DDX31: variants seen among roughly 807,000 people sequenced by gnomAD.
DDX31 encodes the protein ATP-dependent DNA helicase DDX31.
In DDX31, 70 loss-of-function variants were observed where a neutral mutation model predicts 91.3. The observed-to-expected ratio is 0.77, with a 90% CI of 0.63 to 0.94. The LOEUF is 0.94. DDX31 is among the 40% of genes least tolerant of loss of function. DDX31 has a pLI of 0.00. For missense variants in DDX31, 902 were observed against 925.0 expected (o/e 0.98, Z 0.32); for synonymous variants, 362 against 350.6 (o/e 1.03, Z -0.36).
At chr9:132,632,205 G>T in intron 14 of DDX31, 114 bp from the exon 15 acceptor site, 5 of 481,856 alleles carry the variant, frequency 1.0e-5, no homozygotes, top group Admixed American at 3.5e-5. Context: ...CACAGTACAT[G>T]CACATTCGGG....
chr9:132,616,066 T>A (rs556342810), intron 18 of DDX31, among the ~76,000 whole-genome samples: 56 of 152,218 alleles, frequency 3.7e-4, no homozygotes, highest in Non-Finnish European at 6.0e-4. Flanking sequence ...TGGCTGTTCC[T>A]ATGCAGTAAA....
chr9:132,597,462 A>G (rs971508448), intron 19 of DDX31, among the ~76,000 whole-genome samples: 1 of 152,228 alleles, frequency 6.6e-6, no homozygotes, highest in African/African-American at 2.4e-5. Flanking sequence ...CCAGGTTCAC[A>G]ATGTGTATAA....
chr9:132,604,211 G>A (rs1198814764), intron 19 of DDX31, among the ~76,000 whole-genome samples: 1 of 152,168 alleles, frequency 6.6e-6, no homozygotes, highest in African/African-American at 2.4e-5. Flanking sequence ...CTCTATAACA[G>A]ATGGATTCAT....
At chr9:132,619,841 G>A (rs1047404897) in intron 17 of DDX31, among the ~76,000 whole-genome samples, 4 of 145,354 alleles carry the variant, frequency 2.8e-5, no homozygotes, top group African/African-American at 5.1e-5. Context: ...CCCTCCTTTC[G>A]TTAAGCCACC....
intron 19 of DDX31, among the ~76,000 whole-genome samples, chr9:132,599,018 C>T (rs1012543959): frequency 3.3e-5 from 5 of 152,170 alleles, no homozygotes; most frequent in African/African-American, 1.2e-4. Flanking sequence ...GTGTGAAAAG[C>T]AGTGATGACC....
At chr9:132,602,824 C>T (rs1721930255) in intron 19 of DDX31, among the ~76,000 whole-genome samples, 1 of 152,242 alleles carries the variant, frequency 6.6e-6, no homozygotes, top group African/African-American at 2.4e-5. Flanking sequence ...TTCTTCCACA[C>T]ACACTACCAA....
In DDX31 at chr9:132,642,834, AT is replaced by A. The variant is rs764596713; in HGVS notation, c.1381-772del. Among the ~76,000 whole-genome samples, 496 of 142,192 alleles carry A rather than the reference AT, an allele frequency of 3.5e-3. 2 individuals are homozygous for A. The highest frequency in any genetic ancestry group is 7.5e-3 in the South Asian group (33 of 4,392). 93.3% of individuals were successfully genotyped at this position (142,192 alleles called of 152,430 possible). On this transcript the variant is annotated intron_variant, in intron 13 of 19. Transcript: ENST00000372159. The stretch of plus-strand genomic sequence containing the variant: ...ATTATGGCAATTAAGGTTGTCTCTG[AT>A]TTTTTTTTTTTTTTGAGACAGGGTC...
intron 17 of DDX31, among the ~76,000 whole-genome samples, chr9:132,620,336 T>C (rs1232738719): frequency 6.6e-6 from 1 of 151,922 alleles, no homozygotes; most frequent in Non-Finnish European, 1.5e-5. Context: ...TCAGGGGATT[T>C]AGTGATAATA....
chr9:132,635,702 T>C (rs533616824), intron 14 of DDX31, among the ~76,000 whole-genome samples: 3 of 151,170 alleles, frequency 2.0e-5, no homozygotes, highest in East Asian at 2.0e-4. Flanking sequence ...TCCCAGCACT[T>C]TGGGGGGCCG....
intron 7 of DDX31, 55 bp from the exon 8 acceptor site, chr9:132,651,171 T>C: frequency 2.1e-6 from 3 of 1,442,560 alleles, no homozygotes; most frequent in South Asian, 1.2e-5. Context: ...TTTTTTTTTT[T>C]TAAAGACAAT....
chr9:132,669,553 G>T, intron 1 of DDX31: 1 of 1,439,626 alleles, frequency 6.9e-7, no homozygotes, highest in Non-Finnish European at 9.2e-7. Context: ...GACTTGCGCC[G>T]GAACTTCAGG....
At chr9:132,612,300 C>G (rs761780932) in intron 18 of DDX31, 45 bp from the exon 19 acceptor site, 1 of 1,611,042 alleles carries the variant, frequency 6.2e-7, no homozygotes, top group South Asian at 1.1e-5. Context: ...GGACCGGGGT[C>G]TCCAAGCTCC....
intron 16 of DDX31, 132 bp from the exon 17 acceptor site, chr9:132,625,877 A>G (rs1832362245): frequency 6.3e-6 from 4 of 631,030 alleles, no homozygotes; most frequent in Non-Finnish European, 8.2e-6. Flanking sequence ...AGGAAAGGAA[A>G]TATTTTCCTA....
chr9:132,646,621 A>G (rs1833856519), intron 12 of DDX31, among the ~76,000 whole-genome samples: 1 of 152,172 alleles, frequency 6.6e-6, no homozygotes, highest in African/African-American at 2.4e-5. Flanking sequence ...GCTGAACATC[A>G]TGGCTATCAT....
intron 13 of DDX31, 23 bp from the exon 14 acceptor site, chr9:132,642,086 A>G: frequency 6.2e-7 from 1 of 1,612,786 alleles, no homozygotes; most frequent in Non-Finnish European, 8.5e-7. Context: ...GGAAAAATAG[A>G]GCCTTACAAC....
intron 11 of DDX31, among the ~76,000 whole-genome samples, chr9:132,647,273 C>T (rs1322615578): frequency 6.6e-6 from 1 of 152,186 alleles, no homozygotes; most frequent in Non-Finnish European, 1.5e-5. Context: ...TCTATAAACA[C>T]TCACCTATGG....
Position 132,669,879 on chromosome 9 carries a change from G to C in DDX31, c.56C>G (p.Pro19Arg). Residue 19 changes from proline to arginine, a missense_variant, in exon 1 of 20, where the codon CCC becomes CGC. Transcript: ENST00000372159. ...ACTCACCCGACTCGCCTGGGCTGGG[G>C]GACGTCTGGAGAACGTCCTGGGGTT... ...FDNPRTFSRR[P>R]PAQASRQAKA... is the part of the protein sequence containing the mutation. 1 of 1,593,222 alleles carries C rather than the reference G, an allele frequency of 6.3e-7. No homozygotes were observed. Among genetic ancestry groups the C allele is most frequent in the Non-Finnish European group, 8.5e-7 (1 of 1,171,036 alleles).
chr9:132,663,460 GCTT>G (rs1383216677), intron 1 of DDX31: 5 of 985,288 alleles, frequency 5.1e-6, no homozygotes, highest in Middle Eastern at 5.2e-4. Flanking sequence ...CTTGCCTGTT[GCTT>G]CTTATTTCCA....
chr9:132,603,020 A>G (rs1390522549), intron 19 of DDX31, among the ~76,000 whole-genome samples: 1 of 110,790 alleles, frequency 9.0e-6, no homozygotes, highest in Non-Finnish European at 2.0e-5. Flanking sequence ...TCAGAATCAC[A>G]TGACCGGGCT....
Sources: gnomAD v4.1 joint callset for allele counts (sites outside exome capture counted in the v4.1 genomes callset) on GRCh38, gnomAD v4.1.1 for gene constraint, MANE v1.5 for transcripts, NCBI Gene and HGNC (gene_info 2026-07-23, HGNC 2026-07-21) for gene names.